CAPN15: variants seen among roughly 807,000 people sequenced by gnomAD.
The protein encoded by CAPN15 is calpain 15, also known as calpain-15.
CAPN15 carries 53 observed loss-of-function variants against 97.9 expected under a neutral mutation model. The observed-to-expected ratio is 0.54, with a 90% CI of 0.43 to 0.68. The LOEUF is 0.68. Ranked by LOEUF, CAPN15 falls within the 30% of genes least tolerant of loss-of-function variation. The probability of loss-of-function intolerance (pLI) is 0.00; values close to 1 mark genes in which losing one functional copy is unlikely to be tolerated. For synonymous variants in CAPN15, 922 were observed against 722.5 expected (o/e 1.28, Z -4.43); for missense variants, 1,592 against 1,589.8 (o/e 1.00, Z -0.02).
chr16:537,273 AGTGAGCGCAGGGGAGCAGGAGGCTG>A (rs2033800119), intron 3 of CAPN15: 1 of 985,512 alleles, frequency 1.0e-6, no homozygotes, highest in African/African-American at 1.7e-5. Context: ...AGGTTTTCTG[AGTGAGCGCAGGGGAGCAGGAGGCTG>A]GTGAGCAGCT....
Position 547,668 on chromosome 16 carries a change from G to T in CAPN15, c.830G>T (p.Gly277Val). 1 of 1,580,426 alleles carries T rather than the reference G, an allele frequency of 6.3e-7. No individual in the cohort carries two copies. The highest frequency in any genetic ancestry group is 8.6e-7 in the Non-Finnish European group (1 of 1,162,576). Residue 277 changes from glycine (G) to valine (V), a missense_variant, in exon 4 of 14, where the codon GGC becomes GTC. By Grantham distance (109) the Gly-to-Val change is moderately radical. Coordinates refer to ENST00000219611, the MANE Select transcript of CAPN15 (RefSeq NM_005632.3). ...GCCGGCTGCAGGGGAGCCCCCCAGG[G>T]CTCGGGCTGGGCTGGGGCCTCCCGC... is the stretch of plus-strand genomic sequence containing the variant. ...PSAGCRGAPQ[G>V]SGWAGASRLA...
intron 1 of CAPN15, among the ~76,000 whole-genome samples, chr16:530,684 T>C (rs540276947): frequency 2.1e-4 from 32 of 152,272 alleles, no homozygotes; most frequent in African/African-American, 7.2e-4. Flanking sequence ...ACAGCCACAT[T>C]GTACCACTAG....
intron 6 of CAPN15, 37 bp downstream of exon 6, chr16:549,508 G>A (rs779044359): frequency 6.8e-7 from 1 of 1,467,506 alleles, no homozygotes; most frequent in East Asian, 2.9e-5. Context: ...GGCGGCAGGG[G>A]CAGCCTCTGA....
chr16:551,593 C>A lies in CAPN15; in HGVS notation c.2274C>A (p.His758Gln). 1 of 1,609,778 alleles carries A rather than the reference C, an allele frequency of 6.2e-7. No homozygotes were observed. The highest frequency in any genetic ancestry group is 8.5e-7 in the Non-Finnish European group (1 of 1,179,328). ...WSDEWPHWPGHLRGELMPHGS... is the reference protein window; with the variant it reads ...WSDEWPHWPGQLRGELMPHGS... ...ACGAGTGGCCACACTGGCCGGGGCA[C>A]CTGCGTGGCGAGCTCATGCCGCACG... The change falls in exon 9 of 14, where the codon CAC becomes CAA. Residue 758 changes from histidine (H) to glutamine (Q), a missense_variant. His to Gln is a conservative substitution (Grantham distance 24, BLOSUM62 0). This residue lies in a region of CAPN15 where 644 missense variants were observed against 699.6 expected (regional missense o/e 0.92). Transcript: ENST00000219611.
chr16:552,261 C>G lies in CAPN15; in HGVS notation c.2508-40C>G, dbSNP rs188980413. 7 of 1,533,810 alleles carry G rather than the reference C, an allele frequency of 4.6e-6. No homozygotes were observed. The highest frequency in any genetic ancestry group is 6.1e-6 in the Non-Finnish European group (7 of 1,139,904). On this transcript the variant is annotated intron_variant, in intron 10 of 13. Coordinates refer to ENST00000219611, the MANE Select transcript of CAPN15 (RefSeq NM_005632.3). The surrounding 1 kb of genome is among the most constrained non-coding windows in gnomAD (Gnocchi z 6.4). ...GGCTGGGCTGGGCTAGGCTGGCGGC[C>G]GTGACCACGCGTGACCCTGGCCCGT... is the stretch of plus-strand genomic sequence containing the variant.
intron 3 of CAPN15, among the ~76,000 whole-genome samples, chr16:545,915 C>T (rs1020591688): frequency 2.6e-5 from 4 of 152,220 alleles, no homozygotes; most frequent in South Asian, 2.1e-4. Context: ...GGGAGCCCGC[C>T]GGCCACAGCT....
intron 3 of CAPN15, chr16:537,568 C>G (rs1027645542): frequency 2.3e-6 from 1 of 439,410 alleles, no homozygotes; most frequent in Non-Finnish European, 3.0e-6. Flanking sequence ...GCTTCTGTCC[C>G]GTGGCACCTC....
intron 7 of CAPN15, among the ~76,000 whole-genome samples, chr16:551,053 G>GGGTCCCCGGTCGGTGA (rs1567157625): frequency 3.6e-5 from 5 of 139,664 alleles, no homozygotes; most frequent in Admixed American, 7.0e-5. Flanking sequence ...CGGTCGGTGA[G>GGGTCCCCGGTCGGTGA]GGTCCCCGGT....
rs185902581 is a variant in CAPN15, at chr16:530,312, C to T, written c.-190+2283C>T. Reference sequence around the variant, plus strand: ...GTTTCTTGGTAGGCCTAGTGTCTAGCGCTATGCAGCCGTGCGCAGAGCAGG... The same window carrying T: ...GTTTCTTGGTAGGCCTAGTGTCTAGTGCTATGCAGCCGTGCGCAGAGCAGG... On this transcript the variant is annotated intron_variant, in intron 1 of 13. Coordinates refer to ENST00000219611, the MANE Select transcript of CAPN15 (RefSeq NM_005632.3). Among the ~76,000 whole-genome samples, 603 of 152,324 alleles carry T rather than the reference C, an allele frequency of 4.0e-3. 6 individuals carry two copies. Among genetic ancestry groups the T allele is most frequent in the Middle Eastern group, 0.027 (8 of 294 alleles).
Position 548,076 on chromosome 16 carries a change from C to T in CAPN15, c.1238C>T (p.Pro413Leu), listed in dbSNP as rs748950993. 21 of 1,539,514 alleles carry T rather than the reference C, an allele frequency of 1.4e-5. No homozygotes were observed. Among genetic ancestry groups the T allele is most frequent in the African/African-American group, 1.2e-4 (9 of 72,884 alleles). Reference sequence around the variant, plus strand: ...GCCGCCCGCGTCCTGCCCGAGCGCCCGGGCCAGTGGGCCTGCCCTGCCTGT... The same window carrying T: ...GCCGCCCGCGTCCTGCCCGAGCGCCTGGGCCAGTGGGCCTGCCCTGCCTGT... ...QKAARVLPER[P>L]GQWACPACTL... is the part of the protein sequence containing the mutation. Residue 413 changes from proline to leucine, a missense_variant, in exon 4 of 14, where the codon CCG becomes CTG. By Grantham distance (98) the Pro-to-Leu change is moderately conservative. Around this residue, in one of 3 missense-constraint regions of CAPN15, gnomAD observed 883 missense variants for 776.6 expected, o/e 1.14. Transcript: ENST00000219611.
chr16:551,593 C>T lies in CAPN15; in HGVS notation c.2274C>T (p.His758=), dbSNP rs768549440. Residue 758 remains histidine (H), a synonymous_variant, in exon 9 of 14, where the codon CAC becomes CAT. Transcript: ENST00000219611. ...ACGAGTGGCCACACTGGCCGGGGCA[C>T]CTGCGTGGCGAGCTCATGCCGCACG... ...WSDEWPHWPG[H]LRGELMPHGS... 5.0e-6 allele frequency: 8 copies of T among 1,609,660 alleles called. No homozygotes were observed. The highest frequency in any genetic ancestry group is 1.3e-5 in the African/African-American group (1 of 74,926).
intron 6 of CAPN15, 72 bp downstream of exon 6, chr16:549,543 C>T (rs1167026243): frequency 2.6e-6 from 3 of 1,148,742 alleles, no homozygotes; most frequent in African/African-American, 3.3e-5. Context: ...ACAAGGCCGG[C>T]TGCTTCCTCT....
In CAPN15 at chr16:552,361, G is replaced by T; in HGVS notation, c.2568G>T (p.Thr856=). 1 of 1,599,702 alleles carries T rather than the reference G, an allele frequency of 6.3e-7. No homozygotes were observed. Among genetic ancestry groups the T allele is most frequent in the Non-Finnish European group, 8.5e-7 (1 of 1,176,900 alleles). ...LDLCILVFRA[T]FGSGGHLSLG... ...TGTGCATCCTGGTGTTCCGGGCCAC[G>T]TTCGGCAGCGGCGGCCACCTCAGCC... Residue 856 remains threonine, a synonymous_variant, in exon 11 of 14, where the codon ACG becomes ACT. Transcript: ENST00000219611. The surrounding 1 kb of genome is among the most constrained non-coding windows in gnomAD (Gnocchi z 6.4).
chr16:548,176 G>A lies in CAPN15; in HGVS notation c.1338G>A (p.Arg446=). The A allele has an allele frequency of 6.5e-7, 1 of 1,531,526 alleles. No homozygotes were observed. Among genetic ancestry groups the A allele is most frequent in the Non-Finnish European group, 8.8e-7 (1 of 1,140,218 alleles). The allele number at this position is 1,531,526 out of a possible 1,614,324, so 94.9% of individuals were successfully genotyped here. A position where few individuals can be genotyped will look rare whatever the true frequency, so the allele number is the denominator to read the frequency against. ...HTPQLLVAQR[R]GAAPLRRRES... is the part of the protein sequence containing the mutation. Reference sequence around the variant, plus strand: ...CTCAGCTCCTGGTGGCCCAGCGGCGGGGGGCCGCGCCCCTGAGGCGCAGGG... The same window carrying A: ...CTCAGCTCCTGGTGGCCCAGCGGCGAGGGGCCGCGCCCCTGAGGCGCAGGG... The change falls in exon 4 of 14, where the codon CGG becomes CGA. Residue 446 remains arginine (R), a synonymous_variant. Transcript: ENST00000219611.
chr16:528,611 A>AAGGG (rs965127513), intron 1 of CAPN15: 2 of 460,932 alleles, frequency 4.3e-6, no homozygotes, highest in Non-Finnish European at 5.7e-6. Flanking sequence ...CTGGCTGCAG[A>AAGGG]AGGGGCCCCT....
intron 1 of CAPN15, among the ~76,000 whole-genome samples, chr16:529,943 C>G (rs2033130555): frequency 6.6e-6 from 1 of 152,198 alleles, no homozygotes; most frequent in African/African-American, 2.4e-5. Flanking sequence ...GCGCTTTGCT[C>G]TCCTGTTTTC....
rs1435227507 is a variant in CAPN15 at position 551,073 on chromosome 16, C to T, written c.2067-229C>T. 4.0e-3 allele frequency among the ~76,000 whole-genome samples: 385 copies of T among 95,922 alleles called. 29 individuals are homozygous for T. Among genetic ancestry groups the T allele is most frequent in the African/African-American group, 0.018 (361 of 19,924 alleles). 62.9% of individuals were successfully genotyped at this position (95,922 alleles called of 152,430 possible). A position where few individuals can be genotyped will look rare whatever the true frequency, so the allele number is the denominator to read the frequency against. On this transcript the variant is annotated intron_variant, in intron 7 of 13. Coordinates refer to ENST00000219611, the MANE Select transcript of CAPN15 (RefSeq NM_005632.3). ...GGTGAGGGTCCCCGGTCGGTGAGGTCCCCGGTCGGTGAGGGCCCCGGTCGG... is the reference window on the plus strand; with the variant it reads ...GGTGAGGGTCCCCGGTCGGTGAGGTTCCCGGTCGGTGAGGGCCCCGGTCGG...
chr16:540,601 T>C lies in CAPN15; in HGVS notation c.-23+4459T>C, dbSNP rs564849093. 1.9e-4 allele frequency among the ~76,000 whole-genome samples: 29 copies of C among 152,358 alleles called. No homozygotes were observed. In the East Asian group the frequency reaches 5.6e-3, roughly 29 times the overall value. ...CTAGTGCGCCCAATCCCGGCGGCCC[T>C]GTGTTTCTCACAGGCTGTGCTGCTC... On this transcript the variant is annotated intron_variant, in intron 3 of 13. Transcript: ENST00000219611.
intron 7 of CAPN15, among the ~76,000 whole-genome samples, chr16:550,752 C>T (rs372065161): frequency 8.3e-5 from 10 of 120,392 alleles, no homozygotes; most frequent in East Asian, 5.6e-4. Context: ...GGGTCCCGGT[C>T]GGTGAGGGTC....
Sources: gnomAD v4.1 joint callset for allele counts (sites outside exome capture counted in the v4.1 genomes callset) on GRCh38, gnomAD v4.1.1 for gene constraint, gnomAD v4.1.1 regional missense constraint, Gnocchi (gnomAD v3.1) non-coding constraint, MANE v1.5 for transcripts, NCBI Gene and HGNC (gene_info 2026-07-23, HGNC 2026-07-21) for gene names.